Variants in SPAG9 observed in about 807,000 individuals in gnomAD.
SPAG9 encodes the protein C-Jun-amino-terminal kinase-interacting protein 4.
In SPAG9, 35 loss-of-function variants were observed where a neutral mutation model predicts 166.5. That is an observed-to-expected ratio of 0.21 (90% CI 0.16 to 0.28). The LOEUF (loss-of-function observed/expected upper bound fraction) is 0.28, where lower values mean the gene tolerates loss of function less well. Ranked by LOEUF, SPAG9 falls within the 10% of genes least tolerant of loss-of-function variation. The pLI is 1.00. For synonymous variants in SPAG9, 534 were observed against 565.5 expected (o/e 0.94, Z 0.79); for missense variants, 1,235 against 1,603.3 (o/e 0.77, Z 3.92).
intron 3 of SPAG9, among the ~76,000 whole-genome samples, chr17:51,051,322 T>C (rs1568042119): frequency 6.6e-6 from 1 of 152,060 alleles, no homozygotes; most frequent in Non-Finnish European, 1.5e-5. Context: ...TTGGCCAGGC[T>C]GGTCTTAAAC....
intron 4 of SPAG9, among the ~76,000 whole-genome samples, chr17:51,042,140 C>A (rs2046862941): frequency 6.6e-6 from 1 of 152,186 alleles, no homozygotes; most frequent in Admixed American, 6.5e-5. Flanking sequence ...TAAATCAGGG[C>A]TACCTATTAA....
At chr17:50,972,527 C>T (rs182737703) in intron 28 of SPAG9, among the ~76,000 whole-genome samples, 1 of 152,314 alleles carries the variant, frequency 6.6e-6, no homozygotes, top group East Asian at 1.9e-4. Context: ...ATATTATTCA[C>T]AACTATGAAC....
chr17:51,044,500 A>G (rs1022662175), intron 4 of SPAG9, among the ~76,000 whole-genome samples: 3 of 152,222 alleles, frequency 2.0e-5, no homozygotes, highest in Admixed American at 2.0e-4. Context: ...TTTTACAACT[A>G]CATTTTTGGA....
chr17:51,061,215 C>A (rs2047505943), intron 2 of SPAG9, among the ~76,000 whole-genome samples: 1 of 151,992 alleles, frequency 6.6e-6, no homozygotes, highest in Admixed American at 6.6e-5. Context: ...CCTTACAGAA[C>A]AAAACATTAT....
intron 2 of SPAG9, among the ~76,000 whole-genome samples, chr17:51,077,021 T>TCTAGCTAGCTATCTAGCTATCTAG (rs1249662126): frequency 4.6e-4 from 35 of 76,108 alleles, no homozygotes; most frequent in Admixed American, 8.3e-4. Context: ...TAGCTAGCTA[T>TCTAGCTAGCTATCTAGCTATCTAG]CTAGCTATCT....
At chr17:50,987,761 A>G (rs927484853) in intron 21 of SPAG9, among the ~76,000 whole-genome samples, 2 of 152,248 alleles carry the variant, frequency 1.3e-5, no homozygotes, top group African/African-American at 4.8e-5. Context: ...GGATACACAC[A>G]TACAAATAGT....
chr17:50,990,717 C>A (rs1975472055), intron 19 of SPAG9, 49 bp from the exon 20 acceptor site: 1 of 1,483,670 alleles, frequency 6.7e-7, no homozygotes, highest in Non-Finnish European at 9.4e-7. Context: ...CTATAAATAA[C>A]ATTTTTTTTA....
intron 22 of SPAG9, among the ~76,000 whole-genome samples, chr17:50,986,640 T>C (rs1393148333): frequency 2.0e-5 from 3 of 152,172 alleles, no homozygotes; most frequent in Admixed American, 1.3e-4. Flanking sequence ...GAACAAACCA[T>C]ATAATATTAG....
chr17:51,036,554 C>A (rs2144343303), intron 5 of SPAG9, among the ~76,000 whole-genome samples: 1 of 152,234 alleles, frequency 6.6e-6, no homozygotes, highest in Admixed American at 6.5e-5. Context: ...CCCCTCTCCC[C>A]CTACCACACA....
chr17:51,017,315 A>C (rs1307513859), intron 8 of SPAG9, among the ~76,000 whole-genome samples: 1 of 152,144 alleles, frequency 6.6e-6, no homozygotes, highest in Non-Finnish European at 1.5e-5. Context: ...TGAAAAAGGG[A>C]GGGATGAAGG....
intron 1 of SPAG9, 114 bp from the exon 2 acceptor site, chr17:51,079,818 G>A (rs1393768513): frequency 1.5e-6 from 1 of 650,988 alleles, no homozygotes; most frequent in African/African-American, 1.8e-5. Context: ...TTAGATCTCA[G>A]AATTATGACC....
intron 9 of SPAG9, among the ~76,000 whole-genome samples, chr17:51,011,529 C>T (rs2045483938): frequency 1.3e-5 from 2 of 151,912 alleles, no homozygotes; most frequent in African/African-American, 4.8e-5. Flanking sequence ...ATTACAGGTG[C>T]ACGCCACAAT....
intron 1 of SPAG9, among the ~76,000 whole-genome samples, chr17:51,095,798 T>G (rs1259235583): frequency 7.0e-6 from 1 of 143,252 alleles, no homozygotes; most frequent in Non-Finnish European, 1.5e-5. Context: ...ATACGTATAG[T>G]GATATATAGT....
At chr17:51,033,863 G>GT (rs2046478415) in intron 5 of SPAG9, among the ~76,000 whole-genome samples, 1 of 152,176 alleles carries the variant, frequency 6.6e-6, no homozygotes, top group African/African-American at 2.4e-5. Context: ...AACAGTAAAT[G>GT]TAAGTATTAA....
At chr17:51,096,488 G>A (rs1009607489) in intron 1 of SPAG9, among the ~76,000 whole-genome samples, 12 of 152,096 alleles carry the variant, frequency 7.9e-5, no homozygotes, top group Non-Finnish European at 1.2e-4. Flanking sequence ...CTACTGATAG[G>A]AATATAAATC....
chr17:51,059,549 C>T (rs570570034), intron 2 of SPAG9, among the ~76,000 whole-genome samples: 55 of 151,984 alleles, frequency 3.6e-4, no homozygotes, highest in African/African-American at 1.2e-3. Context: ...GTCAGAAGTT[C>T]GAGAACAGCC....
At chr17:51,072,200 T>C (rs1041231171) in intron 2 of SPAG9, among the ~76,000 whole-genome samples, 2 of 143,378 alleles carry the variant, frequency 1.4e-5, no homozygotes, top group African/African-American at 2.5e-5. Context: ...GCCTTCCAAG[T>C]AGGTGGGATT....
At chr17:50,975,554 C>T (rs73346136) in intron 27 of SPAG9, among the ~76,000 whole-genome samples, 225 of 152,158 alleles carry the variant, frequency 1.5e-3, no homozygotes, top group African/African-American at 5.1e-3. Context: ...GAAATATGAT[C>T]GGTAACAAGA....
At chr17:51,040,824 G>A (rs1194793883) in intron 5 of SPAG9, among the ~76,000 whole-genome samples, 8 of 152,132 alleles carry the variant, frequency 5.3e-5, no homozygotes, top group African/African-American at 1.9e-4. Context: ...GTTTCATGAT[G>A]AGTTGATTTT....
Sources: allele counts gnomAD v4.1 joint callset (sites outside exome capture counted in the v4.1 genomes callset), GRCh38; gene constraint gnomAD v4.1.1; transcripts MANE v1.5; gene names NCBI Gene and HGNC (gene_info 2026-07-23, HGNC 2026-07-21).